Variants in SH3BP2 observed in about 807,000 individuals in gnomAD.
SH3BP2 encodes SH3 domain binding protein 2.
Under a neutral mutation model 56.2 loss-of-function variants are expected in SH3BP2, and 38 were observed. The ratio of observed to expected loss-of-function variants is 0.68; its 90% CI spans 0.52 to 0.89. The LOEUF is 0.89. Ranked by LOEUF, SH3BP2 falls within the 40% of genes least tolerant of loss-of-function variation. SH3BP2 has a pLI of 0.00. For synonymous variants in SH3BP2, 346 were observed against 316.7 expected (o/e 1.09, Z -0.98); for missense variants, 748 against 762.6 (o/e 0.98, Z 0.23).
chr4:2,824,616 G>A lies in SH3BP2; in HGVS notation c.243G>A (p.Val81=), dbSNP rs1724492609. The change falls in exon 4 of 13, where the codon GTG becomes GTA. Residue 81 remains valine, a synonymous_variant. Transcript: ENST00000503393. ...GAFSLSGYNR[V]MRAAEETTSN... ...ACCCCTGGCGCTGTGCCCCCAGGGT[G>A]ATGCGGGCGGCTGAGGAGACCACGT... 6.2e-7 allele frequency: 1 copy of A among 1,612,302 alleles called. No homozygotes were observed. The highest frequency in any genetic ancestry group is 1.3e-5 in the African/African-American group (1 of 74,912).
At chr4:2,802,750 G>A (rs1245503734) in intron 1 of SH3BP2, among the ~76,000 whole-genome samples, 1 of 151,448 alleles carries the variant, frequency 6.6e-6, no homozygotes, top group Non-Finnish European at 1.5e-5. Flanking sequence ...AAGGATCACA[G>A]CGAATGCATT....
chr4:2,807,732 G>A (rs968714053), intron 1 of SH3BP2, among the ~76,000 whole-genome samples: 2 of 152,224 alleles, frequency 1.3e-5, no homozygotes, highest in African/African-American at 4.8e-5. Context: ...CGTGGTGAAT[G>A]TGGCCTGAGA....
intron 1 of SH3BP2, chr4:2,799,071 A>G: frequency 1.0e-6 from 1 of 985,478 alleles, no homozygotes; most frequent in African/African-American, 1.7e-5. Context: ...AATGGCGCTC[A>G]GGGGTGCAGC....
At chr4:2,795,558 T>C (rs936606073) in intron 1 of SH3BP2, among the ~76,000 whole-genome samples, 1 of 152,188 alleles carries the variant, frequency 6.6e-6, no homozygotes, top group African/African-American at 2.4e-5. Context: ...AAGGGCAGGC[T>C]GGCGGGGAAA....
chr4:2,794,278 A>T (rs1280707159), intron 1 of SH3BP2: 2 of 152,042 alleles, frequency 1.3e-5, no homozygotes, highest in Non-Finnish European at 2.9e-5. Context: ...CCCTGCACCA[A>T]CTCCATGAGC....
At chr4:2,798,565 C>G (rs906809671) in intron 1 of SH3BP2, 2 of 152,444 alleles carry the variant, frequency 1.3e-5, no homozygotes, top group African/African-American at 4.8e-5. Flanking sequence ...TCTCCTCCTA[C>G]TCGAGGCCAG....
At chr4:2,816,021 C>A (rs1278453349) in intron 1 of SH3BP2, among the ~76,000 whole-genome samples, 1 of 152,034 alleles carries the variant, frequency 6.6e-6, no homozygotes, top group Non-Finnish European at 1.5e-5. Context: ...GTATGTTGAT[C>A]TTATATCCTG....
intron 11 of SH3BP2, 85 bp from the exon 12 acceptor site, chr4:2,832,905 G>GC (rs770415893): frequency 3.9e-5 from 53 of 1,372,506 alleles, no homozygotes; most frequent in Middle Eastern, 2.0e-4. Context: ...TGATGGTTCT[G>GC]CCCCCCTATC....
rs774621888 is a variant in SH3BP2, at chr4:2,830,130, G to T, written c.1224G>T (p.Pro408=). 6.2e-7 allele frequency: 1 copy of T among 1,601,390 alleles called. No individual in the cohort carries two copies. The highest frequency in any genetic ancestry group is 1.1e-5 in the South Asian group (1 of 90,968). The change falls in exon 8 of 13, where the codon CCG becomes CCT. Residue 408 remains proline (P), a synonymous_variant. Coordinates refer to ENST00000503393, the MANE Select transcript of SH3BP2 (RefSeq NM_001122681.2). ...CAGTCCTGCCCAGGCCAGAGAAGCC[G>T]CAGCTCCCGCACCTCCAGTGAGTTT... The part of the protein sequence containing the change: ...RPAVLPRPEK[P]QLPHLQRSPP...
intron 1 of SH3BP2, among the ~76,000 whole-genome samples, chr4:2,800,869 C>T (rs1723247199): frequency 6.6e-6 from 1 of 152,186 alleles, no homozygotes; most frequent in Non-Finnish European, 1.5e-5. Flanking sequence ...ACTCGTGGAA[C>T]AGCCTGAGAG....
intron 1 of SH3BP2, among the ~76,000 whole-genome samples, chr4:2,809,395 A>C (rs1231059220): frequency 4.9e-5 from 6 of 121,464 alleles, no homozygotes; most frequent in Non-Finnish European, 8.6e-5. Context: ...CCACCTTCCC[A>C]CAGGCTCAAT....
chr4:2,837,525 G>A lies in SH3BP2; in HGVS notation c.*3691G>A, dbSNP rs531805599. The stretch of plus-strand genomic sequence containing the variant: ...CGGCTTAGTTCCCTGAGGCAGGCAG[G>A]GCTTATTGGGGCCATTTCATAGAAA... On this transcript the variant is annotated 3_prime_UTR_variant, in exon 13 of 13. Coordinates refer to ENST00000503393, the MANE Select transcript of SH3BP2 (RefSeq NM_001122681.2). 4 of 152,388 alleles carry A rather than the reference G, an allele frequency of 2.6e-5. No homozygotes were observed. The highest frequency in any genetic ancestry group is 9.6e-5 in the African/African-American group (4 of 41,532). The allele number at this position is 152,388 out of a possible 1,614,324, so 9.4% of individuals were successfully genotyped here. A position where few individuals can be genotyped will look rare whatever the true frequency, so the allele number is the denominator to read the frequency against.
In SH3BP2 at chr4:2,834,082, A is replaced by G. The variant is rs1725149150; in HGVS notation, c.*248A>G. ...CCCCACACTAACTTGCCCTGTCCCA[A>G]TCCCAGAAACCCAGGACCAAGCTGT... On this transcript the variant is annotated 3_prime_UTR_variant, in exon 13 of 13. Coordinates refer to ENST00000503393, the MANE Select transcript of SH3BP2 (RefSeq NM_001122681.2). The G allele has an allele frequency of 1.9e-6, 1 of 514,628 alleles. No homozygotes were observed. Among genetic ancestry groups the G allele is most frequent in the African/African-American group, 1.9e-5 (1 of 52,294 alleles). The allele number at this position is 514,628 out of a possible 1,614,324, so 31.9% of individuals were successfully genotyped here.
Position 2,810,669 on chromosome 4 carries a change from C to A in SH3BP2, c.-4-9945C>A, listed in dbSNP as rs1403867287. On this transcript the variant is annotated intron_variant, in intron 1 of 12. Coordinates refer to ENST00000503393, the MANE Select transcript of SH3BP2 (RefSeq NM_001122681.2). This position sits in a 1 kb window ranked among gnomAD's most constrained non-coding sequence, Gnocchi z 4.2. ...GCCCCTTCCTCCCGTGGCTCCCTCA[C>A]CCCAGCTCCTTCCAGCAAACTTCCT... Among the ~76,000 whole-genome samples the A allele has an allele frequency of 6.6e-6, 1 of 151,954 alleles. No individual in the cohort carries two copies. Among genetic ancestry groups the A allele is most frequent in the Admixed American group, 6.5e-5 (1 of 15,274 alleles).
intron 5 of SH3BP2, among the ~76,000 whole-genome samples, chr4:2,825,505 T>A (rs1037462990): frequency 6.7e-6 from 1 of 148,774 alleles, no homozygotes; most frequent in Non-Finnish European, 1.5e-5. Flanking sequence ...CACGTGGACA[T>A]GCACACACAC....
Position 2,829,470 on chromosome 4 carries a change from A to AC in SH3BP2, c.587-20dup. The AC allele has an allele frequency of 6.2e-7, 1 of 1,612,880 alleles. No individual in the cohort carries two copies. Among genetic ancestry groups the AC allele is most frequent in the Non-Finnish European group, 8.5e-7 (1 of 1,179,690 alleles). On this transcript the variant is annotated intron_variant, in intron 7 of 12. Transcript: ENST00000503393. The surrounding 1 kb of genome is among the most constrained non-coding windows in gnomAD (Gnocchi z 4.9). ...TTGGCCCAGTCTCTGTCAGGGTCCAACCCGGGTCTCTTTGCTCTGCAGATG... is the reference window on the plus strand; with the variant it reads ...TTGGCCCAGTCTCTGTCAGGGTCCAACCCCGGGTCTCTTTGCTCTGCAGATG...
At chr4:2,794,262 G>A (rs960768540) in intron 1 of SH3BP2, 9 of 152,414 alleles carry the variant, frequency 5.9e-5, no homozygotes, top group Admixed American at 5.2e-4. Context: ...TCTGGGTTCA[G>A]GTCAGCCCTG....
In SH3BP2 at chr4:2,831,499, G is replaced by C. The variant is rs231397; in HGVS notation, c.1242-72G>C. 0.17 allele frequency: 187,036 copies of C among 1,110,832 alleles called. 17,103 individuals are homozygous for C. Among genetic ancestry groups the C allele is most frequent in the African/African-American group, 0.31 (20,100 of 64,712 alleles). 68.8% of individuals were successfully genotyped at this position (1,110,832 alleles called of 1,614,324 possible). A position where few individuals can be genotyped will look rare whatever the true frequency, so the allele number is the denominator to read the frequency against. On this transcript the variant is annotated intron_variant, in intron 8 of 12. Coordinates refer to ENST00000503393, the MANE Select transcript of SH3BP2 (RefSeq NM_001122681.2). This position sits in a 1 kb window ranked among gnomAD's most constrained non-coding sequence, Gnocchi z 4.1. ...GTCCTCACACAGAGGGTGGAGTGGG[G>C]AGGGGAGCAGAGGGTGGCCGCCCCG...
chr4:2,796,921 C>T (rs1723084623), intron 1 of SH3BP2, among the ~76,000 whole-genome samples: 1 of 152,240 alleles, frequency 6.6e-6, no homozygotes, highest in South Asian at 2.1e-4. Context: ...GAGCTGAGTT[C>T]TGGGCTCAGA....
Sources: allele counts gnomAD v4.1 joint callset (sites outside exome capture counted in the v4.1 genomes callset), GRCh38; gene constraint gnomAD v4.1.1; non-coding constraint Gnocchi (gnomAD v3.1); transcripts MANE v1.5; gene names NCBI Gene and HGNC (gene_info 2026-07-23, HGNC 2026-07-21).